The following RAB3GAP2 variants were observed in gnomAD, a reference collection of about 807,000 sequenced individuals.
RAB3GAP2 encodes rab3 GTPase-activating protein non-catalytic subunit.
A neutral mutation model predicts 185.3 loss-of-function variants in RAB3GAP2; 87 were observed. The observed-to-expected ratio is 0.47, with a 90% CI of 0.39 to 0.56. The LOEUF (loss-of-function observed/expected upper bound fraction) is 0.56. RAB3GAP2 is among the 20% of genes least tolerant of loss of function. The probability of loss-of-function intolerance (pLI) is 0.00; values close to 1 mark genes in which losing one functional copy is unlikely to be tolerated. For synonymous variants in RAB3GAP2, 554 were observed against 576.1 expected (o/e 0.96, Z 0.55); for missense variants, 1,492 against 1,638.2 (o/e 0.91, Z 1.54).
In RAB3GAP2 at chr1:220,148,869, T is replaced by C. The variant is rs182398713; in HGVS notation, c.*2382A>G. On this transcript the variant is annotated 3_prime_UTR_variant, in exon 35 of 35. Coordinates refer to ENST00000358951, the MANE Select transcript of RAB3GAP2 (RefSeq NM_012414.4). ...CTGTAATGTAGAAGTTATGATTATT[T>C]GAACACTTTTTGTTTTCCTTCAGCA... The C allele has an allele frequency of 5.3e-5, 8 of 152,346 alleles. No homozygotes were observed. The highest frequency in any genetic ancestry group is 1.3e-4 in the Admixed American group (2 of 15,302). 9.4% of individuals were successfully genotyped at this position (152,346 alleles called of 1,614,324 possible). A position where few individuals can be genotyped will look rare whatever the true frequency, so the allele number is the denominator to read the frequency against.
intron 17 of RAB3GAP2, among the ~76,000 whole-genome samples, chr1:220,188,765 T>A (rs1461048679): frequency 6.6e-6 from 1 of 152,146 alleles, no homozygotes; most frequent in Admixed American, 6.5e-5. Context: ...ATTTGTAATG[T>A]CAAAAATCTG....
At chr1:220,195,584 T>A (rs142684875) in intron 10 of RAB3GAP2, among the ~76,000 whole-genome samples, 309 of 152,318 alleles carry the variant, frequency 2.0e-3, no homozygotes, top group African/African-American at 6.7e-3. Context: ...AAAATCACAA[T>A]TAGTCTATTT....
intron 1 of RAB3GAP2, chr1:220,267,358 T>C: frequency 8.5e-7 from 1 of 1,175,996 alleles, no homozygotes; most frequent in Middle Eastern, 2.0e-4. Context: ...ATGTTGGAGG[T>C]GGGACTGTAT....
chr1:220,202,234 TA>T (rs1267014178), intron 9 of RAB3GAP2, 41 bp downstream of exon 9: 1 of 1,591,082 alleles, frequency 6.3e-7, no homozygotes, highest in East Asian at 2.2e-5. Context: ...ATAAAAAGTG[TA>T]AGAAGTAAAT....
chr1:220,264,460 G>A lies in RAB3GAP2; in HGVS notation c.115+7763C>T, dbSNP rs1179233991. ...CTACAAACGTGTCAGAGATAAAGTG[G>A]GAGAAGGCAGGGTGAGAAAGTAGGC... On this transcript the variant is annotated intron_variant, in intron 1 of 34. Transcript: ENST00000358951. Among the ~76,000 whole-genome samples, 3 of 152,076 alleles carry A rather than the reference G, an allele frequency of 2.0e-5. No individual in the cohort carries two copies. The East Asian group carries it at 5.9e-4, about 30-fold the overall frequency.
At chr1:220,247,639 T>C (rs116642886) in intron 1 of RAB3GAP2, among the ~76,000 whole-genome samples, 7,952 of 152,250 alleles carry the variant, frequency 0.052, 315 homozygotes, top group Middle Eastern at 0.095. Flanking sequence ...GACTACATAT[T>C]GGGTACAGTG....
intron 1 of RAB3GAP2, chr1:220,253,503 G>T (rs959827590): frequency 7.2e-6 from 11 of 1,536,488 alleles, no homozygotes; most frequent in African/African-American, 1.4e-5. Context: ...GGAGTTGGGT[G>T]GGGTAGAGAG....
chr1:220,218,112 A>C (rs1659232088), intron 2 of RAB3GAP2, among the ~76,000 whole-genome samples: 1 of 152,218 alleles, frequency 6.6e-6, no homozygotes, highest in African/African-American at 2.4e-5. Flanking sequence ...GTACATTTTT[A>C]TTTACATGAA....
In RAB3GAP2 at chr1:220,150,471, T is replaced by A. The variant is rs567460174; in HGVS notation, c.*780A>T. 29 of 147,648 alleles carry A rather than the reference T, an allele frequency of 2.0e-4. 1 individual carries two copies. In the South Asian group the frequency reaches 2.6e-3, roughly 13 times the overall value. 9.1% of individuals were successfully genotyped at this position (147,648 alleles called of 1,614,324 possible). Reference sequence around the variant, plus strand: ...TTTGCCTTTTTTTTTTTTTTTTTTTTACATAAGTTTTACAAGATAATACAT... The same window carrying A: ...TTTGCCTTTTTTTTTTTTTTTTTTTAACATAAGTTTTACAAGATAATACAT... On this transcript the variant is annotated 3_prime_UTR_variant, in exon 35 of 35. Coordinates refer to ENST00000358951, the MANE Select transcript of RAB3GAP2 (RefSeq NM_012414.4).
At chr1:220,172,578 T>C (rs1399107646) in intron 22 of RAB3GAP2, 59 bp downstream of exon 22, 6 of 1,182,812 alleles carry the variant, frequency 5.1e-6, no homozygotes, top group African/African-American at 1.5e-5. Flanking sequence ...CACTCTCCCA[T>C]CTTTTTGTGA....
chr1:220,260,699 T>C (rs1326781693), intron 1 of RAB3GAP2, among the ~76,000 whole-genome samples: 2 of 151,984 alleles, frequency 1.3e-5, no homozygotes, highest in Non-Finnish European at 2.9e-5. Context: ...TGGCACACAT[T>C]TACATATATA....
intron 8 of RAB3GAP2, among the ~76,000 whole-genome samples, chr1:220,205,226 G>A (rs1439787386): frequency 6.6e-6 from 1 of 152,134 alleles, no homozygotes; most frequent in African/African-American, 2.4e-5. Flanking sequence ...ACATCAGAAT[G>A]TAAACTATAG....
At chr1:220,254,024 A>G (rs376825564) in intron 1 of RAB3GAP2, 3 of 1,613,956 alleles carry the variant, frequency 1.9e-6, no homozygotes. Context: ...ACATTCATGA[A>G]CAGAGTTGAA....
intron 1 of RAB3GAP2, among the ~76,000 whole-genome samples, chr1:220,238,198 G>T (rs1687495981): frequency 6.6e-6 from 1 of 152,138 alleles, no homozygotes; most frequent in Non-Finnish European, 1.5e-5. Flanking sequence ...GCATCACCAA[G>T]CCTGGCTAAT....
intron 1 of RAB3GAP2, among the ~76,000 whole-genome samples, chr1:220,268,549 T>C (rs938842512): frequency 6.6e-6 from 1 of 152,216 alleles, no homozygotes; most frequent in South Asian, 2.1e-4. Flanking sequence ...AAAGTACACA[T>C]TGCTTTCACA....
At chr1:220,164,996 T>C (rs760761213) in intron 26 of RAB3GAP2, among the ~76,000 whole-genome samples, 197 bp from the exon 27 acceptor site, 2 of 151,930 alleles carry the variant, frequency 1.3e-5, no homozygotes, top group Non-Finnish European at 2.9e-5. Flanking sequence ...TATACAATAA[T>C]TAATTCCCAG....
At chr1:220,188,454 G>C (rs1658545895) in intron 17 of RAB3GAP2, among the ~76,000 whole-genome samples, 1 of 152,158 alleles carries the variant, frequency 6.6e-6, no homozygotes, top group Non-Finnish European at 1.5e-5. Context: ...AGCATTATGA[G>C]GGGTTTGGAT....
intron 2 of RAB3GAP2, among the ~76,000 whole-genome samples, chr1:220,228,920 T>C (rs1396677912): frequency 1.3e-5 from 2 of 152,230 alleles, no homozygotes; most frequent in Non-Finnish European, 2.9e-5. Context: ...TGAAGAAATG[T>C]TCTACATGTC....
rs1025125540 is a variant in RAB3GAP2 at position 220,158,790 on chromosome 1, A to G, written c.3261+596T>C. 2.6e-5 allele frequency among the ~76,000 whole-genome samples: 4 copies of G among 152,050 alleles called. No homozygotes were observed. The highest frequency in any genetic ancestry group is 9.7e-5 in the African/African-American group (4 of 41,382). On this transcript the variant is annotated intron_variant, in intron 29 of 34. Transcript: ENST00000358951. The surrounding 1 kb of genome is among the most constrained non-coding windows in gnomAD (Gnocchi z 4.3). The stretch of plus-strand genomic sequence containing the variant: ...TCTTATAATTTCCTCACATCCCCAA[A>G]GCAAATAATTCAGTGTTTGTGGGTA...
Sources: gnomAD v4.1 joint callset for allele counts (sites outside exome capture counted in the v4.1 genomes callset) on GRCh38, gnomAD v4.1.1 for gene constraint, Gnocchi (gnomAD v3.1) non-coding constraint, MANE v1.5 for transcripts, NCBI Gene and HGNC (gene_info 2026-07-23, HGNC 2026-07-21) for gene names.